AAMDC: variants seen among roughly 807,000 people sequenced by gnomAD.
AAMDC encodes adipogenesis associated Mth938 domain containing, also known as mth938 domain-containing protein.
AAMDC carries 16 observed loss-of-function variants against 15.5 expected under a neutral mutation model. The observed-to-expected ratio is 1.03, with a 90% confidence interval of 0.70 to 1.57. AAMDC has a LOEUF of 1.57. Among genes scored for constraint, AAMDC ranks in the 40% most tolerant of loss-of-function variants. The pLI is 0.00. For synonymous variants in AAMDC, 51 were observed against 51.6 expected (o/e 0.99, Z 0.05); for missense variants, 141 against 144.9 (o/e 0.97, Z 0.14).
chr11:77,830,176 A>G (rs1426023307), intron 1 of AAMDC: 3 of 152,266 alleles, frequency 2.0e-5, no homozygotes, highest in African/African-American at 7.2e-5. Flanking sequence ...ACAAAATAGG[A>G]AAAAATACAT....
At chr11:77,849,855 C>T (rs1950300464) in intron 2 of AAMDC, among the ~76,000 whole-genome samples, 1 of 152,146 alleles carries the variant, frequency 6.6e-6, no homozygotes, top group South Asian at 2.1e-4. Flanking sequence ...TGCATTATCT[C>T]CTCTATGAAG....
At chr11:77,821,788 A>C (rs182465981) in intron 1 of AAMDC, among the ~76,000 whole-genome samples, 4 of 152,306 alleles carry the variant, frequency 2.6e-5, no homozygotes, top group South Asian at 4.1e-4. Flanking sequence ...ATAATGTAAA[A>C]TAGAATGTGC....
At chr11:77,860,526 C>T (rs941967955) in intron 2 of AAMDC, among the ~76,000 whole-genome samples, 1 of 152,156 alleles carries the variant, frequency 6.6e-6, no homozygotes. Flanking sequence ...AATTTAAGAG[C>T]GCTTGGGTGG....
At chr11:77,897,784 C>A (rs1379382673) in intron 5 of AAMDC, among the ~76,000 whole-genome samples, 1 of 151,872 alleles carries the variant, frequency 6.6e-6, no homozygotes, top group Non-Finnish European at 1.5e-5. Flanking sequence ...GGGTTACAGG[C>A]GTTAGCCACC....
exon 6 of AAMDC, chr11:77,900,674 T>C (rs1275455907): frequency 1.5e-6 from 1 of 689,212 alleles, no homozygotes; most frequent in Non-Finnish European, 2.6e-6. Context: ...TGCACCTTTA[T>C]TTTATGAAAT....
At chr11:77,841,630 C>T (rs1949936455) in intron 1 of AAMDC, among the ~76,000 whole-genome samples, 1 of 152,100 alleles carries the variant, frequency 6.6e-6, no homozygotes, top group African/African-American at 2.4e-5. Flanking sequence ...GCTGAGGATC[C>T]ATTAGCCCAG....
intron 1 of AAMDC, among the ~76,000 whole-genome samples, chr11:77,837,633 ACCATGTTGGCC>A (rs1425787806): frequency 2.0e-5 from 3 of 152,020 alleles, no homozygotes; most frequent in Non-Finnish European, 4.4e-5. Flanking sequence ...ACAGGGTTTC[ACCATGTTGGCC>A]AGGCTGGTCT....
intron 2 of AAMDC, among the ~76,000 whole-genome samples, chr11:77,857,453 T>C (rs961180252): frequency 6.6e-6 from 1 of 152,240 alleles, no homozygotes; most frequent in South Asian, 2.1e-4. Context: ...TTTATTTTTA[T>C]AGGAATATCT....
chr11:77,845,086 G>A (rs1324070200), intron 2 of AAMDC, among the ~76,000 whole-genome samples: 1 of 152,062 alleles, frequency 6.6e-6, no homozygotes, highest in African/African-American at 2.4e-5. Context: ...ATATCTTTGA[G>A]TTTGTCCTAC....
At chr11:77,825,193 A>C (rs911165008) in intron 1 of AAMDC, among the ~76,000 whole-genome samples, 4 of 151,974 alleles carry the variant, frequency 2.6e-5, no homozygotes, top group Admixed American at 2.6e-4. Flanking sequence ...CATGTTAGCC[A>C]GGATGGTCTC....
intron 5 of AAMDC, among the ~76,000 whole-genome samples, chr11:77,881,776 G>C (rs1951802259): frequency 6.6e-6 from 1 of 152,196 alleles, no homozygotes; most frequent in Non-Finnish European, 1.5e-5. Context: ...TAATGGGAAA[G>C]TCAGTAAGTA....
Position 77,890,102 on chromosome 11 carries a change from G to A in AAMDC, c.329-10469G>A, listed in dbSNP as rs368784622. 2.8e-4 allele frequency among the ~76,000 whole-genome samples: 43 copies of A among 152,234 alleles called. No individual in the cohort carries two copies. In the South Asian group the frequency reaches 3.5e-3, roughly 12 times the overall value. ...TCATCTGTTCTTCTTAATGCTTTCT[G>A]AGTAATCCTAAAGTGCAGTGAAGGT... On this transcript the variant is annotated intron_variant, in intron 5 of 5. Transcript: ENST00000304716.
intron 1 of AAMDC, among the ~76,000 whole-genome samples, chr11:77,822,414 CAAAAAAAAA>C (rs66463325): frequency 1.1e-4 from 8 of 74,784 alleles, no homozygotes; most frequent in African/African-American, 4.0e-4. Context: ...GACTCCACCT[CAAAAAAAAA>C]AAAAAAAAAA....
At chr11:77,865,825 C>A (rs1951084867) in intron 2 of AAMDC, among the ~76,000 whole-genome samples, 1 of 152,156 alleles carries the variant, frequency 6.6e-6, no homozygotes. Context: ...TCTTACATAT[C>A]TTCTTTTGTG....
chr11:77,823,028 A>G (rs1034447716), intron 1 of AAMDC, among the ~76,000 whole-genome samples: 11 of 152,098 alleles, frequency 7.2e-5, no homozygotes, highest in African/African-American at 2.7e-4. Context: ...ATCCTGGCTA[A>G]CGCGGTGAAA....
intron 1 of AAMDC, among the ~76,000 whole-genome samples, chr11:77,838,909 C>T (rs536138601): frequency 1.3e-5 from 2 of 152,304 alleles, no homozygotes; most frequent in South Asian, 4.1e-4. Context: ...AGCCACCGCG[C>T]CCAGCAATAC....
At chr11:77,895,859 C>T (rs1952495583) in intron 5 of AAMDC, among the ~76,000 whole-genome samples, 1 of 152,120 alleles carries the variant, frequency 6.6e-6, no homozygotes, top group Admixed American at 6.6e-5. Context: ...ATGAAGTAGG[C>T]CTCTAAGAAC....
chr11:77,872,255 G>A lies in AAMDC; in HGVS notation c.309G>A (p.Glu103=), dbSNP rs1590981000. 1 of 1,613,752 alleles carries A rather than the reference G, an allele frequency of 6.2e-7. No individual in the cohort carries two copies. The highest frequency in any genetic ancestry group is 1.1e-5 in the South Asian group (1 of 91,010). ...RVLQTEQAVK[E]YNALVAQGVR... ...TCCAGACAGAGCAGGCAGTGAAGGA[G>A]TATAATGCCTTGGTTGCCCAAGGGG... is the stretch of plus-strand genomic sequence containing the variant. Residue 103 remains glutamate (E), a synonymous_variant, in exon 4 of 4, where the codon GAG becomes GAA. Transcript: ENST00000393427.
intron 5 of AAMDC, chr11:77,891,729 C>G: frequency 6.2e-7 from 1 of 1,611,974 alleles, no homozygotes; most frequent in Non-Finnish European, 8.5e-7. Flanking sequence ...GCAGCATGGT[C>G]TGTAGAATTT....
Sources: allele counts gnomAD v4.1 joint callset (sites outside exome capture counted in the v4.1 genomes callset), GRCh38; gene constraint gnomAD v4.1.1; transcripts MANE v1.5; gene names NCBI Gene and HGNC (gene_info 2026-07-23, HGNC 2026-07-21).